The following TNN variants were observed in gnomAD, a reference collection of about 807,000 sequenced individuals.
TNN encodes the protein tenascin-N.
A neutral mutation model predicts 134.4 loss-of-function variants in TNN; 122 were observed. The ratio of observed to expected loss-of-function variants is 0.91; its 90% CI spans 0.78 to 1.06. The LOEUF (loss-of-function observed/expected upper bound fraction) is 1.06. TNN is among the 50% of genes least tolerant of loss of function. The probability of loss-of-function intolerance (pLI) is 0.00; values close to 1 mark genes in which losing one functional copy is unlikely to be tolerated. For synonymous variants in TNN, 710 were observed against 670.3 expected, an observed-to-expected ratio of 1.06 and a Z score of -0.91; for missense variants, 1,739 against 1,699.4, an observed-to-expected ratio of 1.02 and a Z score of -0.41.
chr1:175,096,483 C>T (rs7515578), intron 7 of TNN, among the ~76,000 whole-genome samples: 43,081 of 152,056 alleles, frequency 0.28, 6,229 homozygotes, highest in East Asian at 0.32. Context: ...GCTGGCCTGT[C>T]CCCCTTGGCA....
chr1:175,117,932 G>A (rs1378962216), intron 10 of TNN, among the ~76,000 whole-genome samples: 1 of 152,206 alleles, frequency 6.6e-6, no homozygotes, highest in East Asian at 1.9e-4. Flanking sequence ...TTTGTACAGT[G>A]ATTTAATCAG....
chr1:175,144,843 C>A (rs1032465697), intron 18 of TNN, among the ~76,000 whole-genome samples: 1 of 152,274 alleles, frequency 6.6e-6, no homozygotes, highest in African/African-American at 2.4e-5. Flanking sequence ...CACGCTGTCT[C>A]ATTTTACTAG....
At chr1:175,128,220 G>C in intron 14 of TNN, 56 bp downstream of exon 14, 1 of 1,495,832 alleles carries the variant, frequency 6.7e-7, no homozygotes, top group Non-Finnish European at 9.0e-7. Context: ...GCACCGGAAA[G>C]CCTAGCAAAG....
Position 175,080,356 on chromosome 1 carries a change from G to A in TNN, c.978G>A (p.Lys326=), listed in dbSNP as rs2149427393. ...YEILGLLPGT[K]YIVTLRNVKN... ...TTCTTGGTTTGCTGCCTGGAACCAA[G>A]TACATAGTCACCCTGCGTAACGTCA... The change falls in exon 4 of 19, where the codon AAG becomes AAA. Residue 326 remains lysine (K), a synonymous_variant. Transcript: ENST00000239462. 2 of 1,614,126 alleles carry A rather than the reference G, an allele frequency of 1.2e-6. No homozygotes were observed. Among genetic ancestry groups the A allele is most frequent in the East Asian group, 2.2e-5 (1 of 44,874 alleles).
chr1:175,081,139 A>G (rs1674191319), intron 4 of TNN, among the ~76,000 whole-genome samples: 1 of 152,210 alleles, frequency 6.6e-6, no homozygotes, highest in Admixed American at 6.5e-5. Context: ...AAACAGGCAG[A>G]CTCAATTCAC....
rs1281857433 is a variant in TNN, at chr1:175,098,366, G to A, written c.1890G>A (p.Arg630=). Residue 630 remains arginine, a synonymous_variant, in exon 9 of 19, where the codon CGG becomes CGA. Coordinates refer to ENST00000239462, the MANE Select transcript of TNN (RefSeq NM_022093.2). ...IDSPKNLVTD[R]VTENMATVSW... ...GCCCCAAAAACCTGGTGACTGACCG[G>A]GTGACAGAGAATATGGCCACGGTCT... 1.9e-6 allele frequency: 3 copies of A among 1,614,182 alleles called. No homozygotes were observed. The highest frequency in any genetic ancestry group is 2.2e-5 in the South Asian group (2 of 91,088).
At chr1:175,069,229 G>A (rs1673864330) in intron 1 of TNN, among the ~76,000 whole-genome samples, 1 of 152,146 alleles carries the variant, frequency 6.6e-6, no homozygotes, top group African/African-American at 2.4e-5. Context: ...GCTCGGTCAG[G>A]GCTACGTATT....
intron 9 of TNN, among the ~76,000 whole-genome samples, chr1:175,103,076 A>G (rs1674768139): frequency 6.9e-6 from 1 of 145,850 alleles, no homozygotes; most frequent in Admixed American, 6.9e-5. Context: ...TTCCATTTGT[A>G]AGACCATCTG....
intron 7 of TNN, among the ~76,000 whole-genome samples, chr1:175,096,153 G>A (rs1674563545): frequency 6.6e-6 from 1 of 152,180 alleles, no homozygotes; most frequent in Non-Finnish European, 1.5e-5. Context: ...TGAAGAAAGG[G>A]GACCTACCAC....
intron 9 of TNN, among the ~76,000 whole-genome samples, chr1:175,114,780 TG>T (rs1296989538): frequency 1.3e-5 from 2 of 152,096 alleles, no homozygotes; most frequent in African/African-American, 4.8e-5. Context: ...TTGCAGGATA[TG>T]GCTGTAATTG....
intron 7 of TNN, among the ~76,000 whole-genome samples, chr1:175,097,101 T>C (rs1674588479): frequency 2.0e-5 from 3 of 152,194 alleles, no homozygotes; most frequent in Admixed American, 1.3e-4. Context: ...GAAGAATATG[T>C]TATATAAATC....
chr1:175,135,787 C>T (rs1206129627), intron 15 of TNN, 58 bp from the exon 16 acceptor site: 6 of 1,394,394 alleles, frequency 4.3e-6, no homozygotes, highest in African/African-American at 4.2e-5. Flanking sequence ...CTTCTCTTGT[C>T]TCCCAGCACC....
Position 175,128,210 on chromosome 1 carries a change from G to A in TNN, c.3178+46G>A, listed in dbSNP as rs756396738. On this transcript the variant is annotated intron_variant, in intron 14 of 18. Transcript: ENST00000239462. ...CTGAACGACCGTGCAATGAGAACCAGCACCGGAAAGCCTAGCAAAGGAGTC... is the reference window on the plus strand; with the variant it reads ...CTGAACGACCGTGCAATGAGAACCAACACCGGAAAGCCTAGCAAAGGAGTC... The A allele has an allele frequency of 5.2e-6, 8 of 1,524,262 alleles. No individual in the cohort carries two copies. The Admixed American group carries it at 1.7e-4, about 32-fold the overall frequency. The allele number at this position is 1,524,262 out of a possible 1,614,324, so 94.4% of individuals were successfully genotyped here. A position where few individuals can be genotyped will look rare whatever the true frequency, so the allele number is the denominator to read the frequency against.
intron 17 of TNN, among the ~76,000 whole-genome samples, chr1:175,141,916 G>T (rs1186888254): frequency 6.6e-6 from 1 of 152,138 alleles, no homozygotes; most frequent in African/African-American, 2.4e-5. Flanking sequence ...CCCACATTTG[G>T]GTGAAAACCT....
chr1:175,076,602 TTCTTATG>T (rs1674044251), intron 1 of TNN, among the ~76,000 whole-genome samples: 1 of 152,158 alleles, frequency 6.6e-6, no homozygotes. Flanking sequence ...TTATTAGAAA[TTCTTATG>T]TTTTACTGGT....
rs771719968 is a variant in TNN at position 175,144,383 on chromosome 1, G to A, written c.3596-4G>A. ...CTCTCGCCTCCGTCTCTTCTCTCCT[G>A]CAGGGGATGCTCTTACTTACCACAA... is the stretch of plus-strand genomic sequence containing the variant. On this transcript the variant is annotated splice_polypyrimidine_tract_variant and splice_region_variant and intron_variant, in intron 17 of 18. Coordinates refer to ENST00000239462, the MANE Select transcript of TNN (RefSeq NM_022093.2). 1.2e-6 allele frequency: 2 copies of A among 1,613,676 alleles called. No homozygotes were observed. Among genetic ancestry groups the A allele is most frequent in the East Asian group, 4.5e-5 (2 of 44,862 alleles).
intron 7 of TNN, among the ~76,000 whole-genome samples, chr1:175,096,005 T>C (rs1246651331): frequency 1.3e-5 from 2 of 152,252 alleles, no homozygotes; most frequent in Non-Finnish European, 1.5e-5. Context: ...AGCTGAGCTC[T>C]GGGGGCACAA....
At chr1:175,079,967 AGTGT>A (rs3833962) in intron 3 of TNN, among the ~76,000 whole-genome samples, 192 bp from the exon 4 acceptor site, 1 of 150,360 alleles carries the variant, frequency 6.7e-6, no homozygotes, top group Non-Finnish European at 1.5e-5. Context: ...GCTGTGTGTG[AGTGT>A]GTGTGTGTGT....
rs1261659347 is a variant in TNN at position 175,077,803 on chromosome 1, C to T, written c.385C>T (p.Gln129Ter). ...MVEMKEQCSA[Q>*]RCCQGVTDLS... ...GGAGATGAAGGAACAGTGTAGTGCC[C>T]AGCGCTGCTGCCAGGGAGTCACTGG... The change falls in exon 2 of 19, where the codon CAG becomes TAG. Residue 129 changes from glutamine to a stop codon, truncating the protein, a stop_gained. Coordinates refer to ENST00000239462, the MANE Select transcript of TNN (RefSeq NM_022093.2). LOFTEE classifies it high-confidence loss of function. The T allele has an allele frequency of 6.2e-7, 1 of 1,612,138 alleles. No homozygotes were observed. Among genetic ancestry groups the T allele is most frequent in the South Asian group, 1.1e-5 (1 of 91,040 alleles).
Sources: gnomAD v4.1 joint callset for allele counts (sites outside exome capture counted in the v4.1 genomes callset) on GRCh38, gnomAD v4.1.1 for gene constraint, MANE v1.5 for transcripts, NCBI Gene and HGNC (gene_info 2026-07-23, HGNC 2026-07-21) for gene names.